The following G3BP1 variants were observed in gnomAD, a reference collection of about 807,000 sequenced individuals.
G3BP1 encodes G3BP stress granule assembly factor 1.
Under a neutral mutation model 58.6 loss-of-function variants are expected in G3BP1, and 35 were observed. The observed-to-expected ratio is 0.60, with a 90% CI of 0.46 to 0.79. The LOEUF (loss-of-function observed/expected upper bound fraction) is 0.79. G3BP1 is among the 30% of genes least tolerant of loss of function. The pLI is 0.00. For synonymous variants in G3BP1, 191 were observed against 195.4 expected (o/e 0.98, Z 0.19); for missense variants, 523 against 580.8 (o/e 0.90, Z 1.02).
At chr5:151,776,461 A>T (rs1011272648) in intron 1 of G3BP1, among the ~76,000 whole-genome samples, 1 of 152,052 alleles carries the variant, frequency 6.6e-6, no homozygotes, top group African/African-American at 2.4e-5. Flanking sequence ...TACTGTTATT[A>T]TTTTGGGGGA....
Position 151,808,206 on chromosome 5 carries a change from A to T in G3BP1, c.*4115A>T, listed in dbSNP as rs1234293307. On this transcript the variant is annotated 3_prime_UTR_variant, in exon 12 of 12. Coordinates refer to ENST00000356245, the MANE Select transcript of G3BP1 (RefSeq NM_005754.3). ...GTTTAATGTTGAGATTCTGGGGACC[A>T]TAGGTGGGCCTGTCAACTCTTAACA... is the stretch of plus-strand genomic sequence containing the variant. 1 of 152,218 alleles carries T rather than the reference A, an allele frequency of 6.6e-6. No individual in the cohort carries two copies. Among genetic ancestry groups the T allele is most frequent in the African/African-American group, 2.4e-5 (1 of 41,466 alleles). The allele number at this position is 152,218 out of a possible 1,614,324, so 9.4% of individuals were successfully genotyped here. A position where few individuals can be genotyped will look rare whatever the true frequency, so the allele number is the denominator to read the frequency against.
chr5:151,791,130 A>G (rs1380559390), intron 4 of G3BP1, 68 bp downstream of exon 4: 2 of 1,304,138 alleles, frequency 1.5e-6, no homozygotes, highest in Non-Finnish European at 2.2e-6. Flanking sequence ...ACTGTTGTGC[A>G]TATCTTTAAA....
At chr5:151,784,865 GT>G (rs1460240648) in intron 1 of G3BP1, among the ~76,000 whole-genome samples, 2 of 152,138 alleles carry the variant, frequency 1.3e-5, no homozygotes, top group African/African-American at 4.8e-5. Context: ...AAATGGAACT[GT>G]TTATAGTGTA....
At chr5:151,800,370 T>G (rs1227643279) in intron 10 of G3BP1, 24 bp downstream of exon 10, 2 of 1,580,126 alleles carry the variant, frequency 1.3e-6, no homozygotes, top group African/African-American at 2.7e-5. Flanking sequence ...TTTTGAACAC[T>G]AAATTCATCT....
At chr5:151,790,452 C>G (rs1762632115) in intron 3 of G3BP1, 48 bp downstream of exon 3, 4 of 999,388 alleles carry the variant, frequency 4.0e-6, no homozygotes, top group Non-Finnish European at 6.0e-6. Flanking sequence ...TAGAAAATAA[C>G]TCATAAAATT....
In G3BP1 at chr5:151,790,437, G is replaced by T. The variant is rs774923752; in HGVS notation, c.177+33G>T. On this transcript the variant is annotated intron_variant, in intron 3 of 11. Transcript: ENST00000356245. ...TTTCAAGCCTTATTTAGGCTGTTAAGCAGGTAGAAAATAACTCATAAAATT... is the reference window on the plus strand; with the variant it reads ...TTTCAAGCCTTATTTAGGCTGTTAATCAGGTAGAAAATAACTCATAAAATT... The T allele has an allele frequency of 7.4e-6, 9 of 1,221,094 alleles. No homozygotes were observed. In the East Asian group the frequency reaches 2.0e-4, roughly 27 times the overall value. The allele number at this position is 1,221,094 out of a possible 1,614,324, so 75.6% of individuals were successfully genotyped here.
At chr5:151,800,635 GCT>G in intron 10 of G3BP1, 123 bp from the exon 11 acceptor site, 1 of 682,412 alleles carries the variant, frequency 1.5e-6, no homozygotes, top group Admixed American at 2.3e-5. Flanking sequence ...ATTCAGACTA[GCT>G]ATATTTATAA....
intron 4 of G3BP1, 79 bp from the exon 5 acceptor site, chr5:151,794,080 C>A: frequency 1.2e-6 from 1 of 837,854 alleles, no homozygotes; most frequent in Non-Finnish European, 2.0e-6. Flanking sequence ...GCAGACTTGT[C>A]CCAGTCACCA....
intron 1 of G3BP1, among the ~76,000 whole-genome samples, chr5:151,777,706 T>C (rs1762397465): frequency 6.6e-6 from 1 of 152,190 alleles, no homozygotes; most frequent in Non-Finnish European, 1.5e-5. Context: ...CACTCCAGCC[T>C]GGGCGACACA....
rs1256385140 is a variant in G3BP1, at chr5:151,779,123, G to C, written c.-50+7087G>C. ...TTTACTCCTAATCTGTGGCTTGCCT[G>C]CGTGCCTTTTCATTCTTTTGATGGT... On this transcript the variant is annotated intron_variant, in intron 1 of 11. Coordinates refer to ENST00000356245, the MANE Select transcript of G3BP1 (RefSeq NM_005754.3). Among the ~76,000 whole-genome samples, 7 of 151,954 alleles carry C rather than the reference G, an allele frequency of 4.6e-5. No individual in the cohort carries two copies. In the East Asian group the frequency reaches 1.3e-3, roughly 29 times the overall value.
chr5:151,773,822 T>C (rs1242581599), intron 1 of G3BP1, among the ~76,000 whole-genome samples: 1 of 152,188 alleles, frequency 6.6e-6, no homozygotes, highest in Non-Finnish European at 1.5e-5. Flanking sequence ...AGTTGTCAAA[T>C]GGAAAAACAC....
At position 151,790,230 on chromosome 5, in the gene G3BP1, C is replaced by CAA. The variant is rs372889235; in HGVS notation, c.96-78_96-77dup. ...TGGGTGACAGAATGAGACCCCGTTG[C>CAA]AAAAAAAAAAAAAAAAGTTTGCCAG... On this transcript the variant is annotated intron_variant, in intron 2 of 11. Coordinates refer to ENST00000356245, the MANE Select transcript of G3BP1 (RefSeq NM_005754.3). The CAA allele has an allele frequency of 1.2e-3, 504 of 424,208 alleles. 1 individual carries two copies. Among genetic ancestry groups the CAA allele is most frequent in the Non-Finnish European group, 1.3e-3 (310 of 246,104 alleles). 26.3% of individuals were successfully genotyped at this position (424,208 alleles called of 1,614,324 possible).
rs185988321 is a variant in G3BP1, at chr5:151,802,982, A to G, written c.1195-903A>G. Among the ~76,000 whole-genome samples, 86 of 152,296 alleles carry G rather than the reference A, an allele frequency of 5.6e-4. No individual in the cohort carries two copies. In the South Asian group the frequency reaches 0.016, roughly 28 times the overall value. ...TGAATAGAACACTTCCGCGACACAT[A>G]GTAAGTACTCTTAGATACTCATTTT... On this transcript the variant is annotated intron_variant, in intron 11 of 11. Coordinates refer to ENST00000356245, the MANE Select transcript of G3BP1 (RefSeq NM_005754.3).
intron 11 of G3BP1, among the ~76,000 whole-genome samples, chr5:151,801,893 C>T (rs759719245): frequency 4.6e-5 from 7 of 151,920 alleles, no homozygotes; most frequent in Non-Finnish European, 1.0e-4. Flanking sequence ...TGGCTCACTG[C>T]AACCTCCACA....
At position 151,809,037 on chromosome 5, in the gene G3BP1, T is replaced by C. The variant is rs1762976619; in HGVS notation, c.*4946T>C. ...ACAGATAATTGAAAAGTGAGCCAGATGTGGTGGCGCATTCCTATAGTCTCC... is the reference window on the plus strand; with the variant it reads ...ACAGATAATTGAAAAGTGAGCCAGACGTGGTGGCGCATTCCTATAGTCTCC... On this transcript the variant is annotated 3_prime_UTR_variant, in exon 12 of 12. Coordinates refer to ENST00000356245, the MANE Select transcript of G3BP1 (RefSeq NM_005754.3). The C allele has an allele frequency of 6.6e-6, 1 of 152,038 alleles. No homozygotes were observed. The highest frequency in any genetic ancestry group is 2.1e-4 in the South Asian group (1 of 4,826). 9.4% of individuals were successfully genotyped at this position (152,038 alleles called of 1,614,324 possible).
chr5:151,775,096 A>T (rs1581569145), intron 1 of G3BP1, among the ~76,000 whole-genome samples: 1 of 152,240 alleles, frequency 6.6e-6, no homozygotes, highest in African/African-American at 2.4e-5. Flanking sequence ...TTGCCCTCAC[A>T]GCCTGTAGCT....
chr5:151,772,976 A>G (rs1188121087), intron 1 of G3BP1, among the ~76,000 whole-genome samples: 1 of 152,160 alleles, frequency 6.6e-6, no homozygotes, highest in East Asian at 1.9e-4. Context: ...CTTCCTTTCT[A>G]CGTGTACTTG....
At chr5:151,797,557 T>A in intron 7 of G3BP1, 129 bp downstream of exon 7, 1 of 1,015,982 alleles carries the variant, frequency 9.8e-7, no homozygotes, top group Non-Finnish European at 1.4e-6. Flanking sequence ...TTCAGGGAAA[T>A]TTCTTAGATA....
intron 1 of G3BP1, among the ~76,000 whole-genome samples, chr5:151,777,803 T>C (rs1762398601): frequency 6.6e-6 from 1 of 152,220 alleles, no homozygotes; most frequent in South Asian, 2.1e-4. Context: ...AGTTTTCTCA[T>C]GTCCCTTTTC....
Sources: gnomAD v4.1 joint callset for allele counts (sites outside exome capture counted in the v4.1 genomes callset) on GRCh38, gnomAD v4.1.1 for gene constraint, MANE v1.5 for transcripts, NCBI Gene and HGNC (gene_info 2026-07-23, HGNC 2026-07-21) for gene names.